Variants in ELAVL2 observed in about 807,000 individuals in gnomAD.
ELAVL2 encodes the protein ELAV like RNA binding protein 2.
In ELAVL2, 4 loss-of-function variants were observed where a neutral mutation model predicts 34.6. That is an observed-to-expected ratio of 0.12 (90% CI 0.06 to 0.26). The LOEUF (loss-of-function observed/expected upper bound fraction) is 0.26. Ranked by LOEUF, ELAVL2 falls within the 10% of genes least tolerant of loss-of-function variation. The pLI is 1.00. For synonymous variants in ELAVL2, 193 were observed against 154.8 expected, an observed-to-expected ratio of 1.25 and a Z score of -1.83; for missense variants, 432 against 442.8, an observed-to-expected ratio of 0.98 and a Z score of 0.22.
chr9:23,752,937 G>C (rs1376760497), intron 2 of ELAVL2, among the ~76,000 whole-genome samples: 2 of 152,064 alleles, frequency 1.3e-5, no homozygotes, highest in African/African-American at 4.8e-5. Context: ...TTTTAACTGC[G>C]AATCTGTTTC....
intron 1 of ELAVL2, among the ~76,000 whole-genome samples, chr9:23,790,805 G>A (rs1288509167): frequency 6.6e-6 from 1 of 152,168 alleles, no homozygotes; most frequent in Non-Finnish European, 1.5e-5. Flanking sequence ...CTCTGGACGA[G>A]CACACAGAGC....
intron 1 of ELAVL2, among the ~76,000 whole-genome samples, chr9:23,804,392 AAAG>A (rs1233509643): frequency 2.0e-5 from 3 of 152,170 alleles, no homozygotes; most frequent in African/African-American, 7.2e-5. Flanking sequence ...CAGGTGAGGA[AAAG>A]TAAATACTTA....
At chr9:23,830,212 C>G (rs1298220392), upstream of ELAVL2, 1 of 152,340 alleles carries the variant, frequency 6.6e-6, no homozygotes, top group East Asian at 1.9e-4. Context: ...CTTGCTCCCT[C>G]CCCCCGTTCT....
chr9:23,729,284 C>T (rs1156258025), intron 3 of ELAVL2, among the ~76,000 whole-genome samples: 1 of 152,096 alleles, frequency 6.6e-6, no homozygotes, highest in Non-Finnish European at 1.5e-5. Context: ...CATTTTCTTC[C>T]CAACTACAAC....
intron 1 of ELAVL2, among the ~76,000 whole-genome samples, chr9:23,811,966 A>G (rs574298343): frequency 6.6e-6 from 1 of 152,286 alleles, no homozygotes; most frequent in African/African-American, 2.4e-5. Flanking sequence ...CAAAAAATAG[A>G]CAAAATGGAC....
chr9:23,734,437 G>C (rs1382921408), intron 2 of ELAVL2, among the ~76,000 whole-genome samples: 3 of 152,098 alleles, frequency 2.0e-5, no homozygotes, highest in African/African-American at 4.8e-5. Context: ...AAATCAAAAA[G>C]GCAGGGAGGA....
intron 1 of ELAVL2, among the ~76,000 whole-genome samples, chr9:23,823,978 G>A: frequency 6.6e-6 from 1 of 152,308 alleles, no homozygotes; most frequent in Non-Finnish European, 1.5e-5. Context: ...TGAAGGTTTA[G>A]AATCTTAACC....
At chr9:23,701,262 AAACC>A in intron 5 of ELAVL2, 113 bp downstream of exon 5, 1 of 1,115,380 alleles carries the variant, frequency 9.0e-7, no homozygotes. Context: ...AATAGTAATA[AAACC>A]AACAACACTG....
chr9:23,714,208 C>T (rs1658918948), intron 3 of ELAVL2, among the ~76,000 whole-genome samples: 1 of 152,098 alleles, frequency 6.6e-6, no homozygotes, highest in Non-Finnish European at 1.5e-5. Context: ...TATGCAGCAT[C>T]ATCATCCCCA....
chr9:23,694,874 G>A (rs926938065), intron 5 of ELAVL2, among the ~76,000 whole-genome samples: 7 of 139,752 alleles, frequency 5.0e-5, no homozygotes, highest in East Asian at 2.0e-4. Context: ...TGCGTGGTGC[G>A]TGTGTGTGTG....
chr9:23,837,279 G>A, the ELAVL2 span, among the ~76,000 whole-genome samples: 1,176 of 152,226 alleles, frequency 7.7e-3, 10 homozygotes, highest in South Asian at 0.029. Context: ...CTAAGGGAGG[G>A]CTTTAAAAAC....
At chr9:23,796,962 G>T (rs1202968938) in intron 1 of ELAVL2, among the ~76,000 whole-genome samples, 1 of 150,854 alleles carries the variant, frequency 6.6e-6, no homozygotes, top group Non-Finnish European at 1.5e-5. Flanking sequence ...TATAAAGAAT[G>T]AGGACAGGGA....
chr9:23,769,635 C>A (rs1459052593), intron 1 of ELAVL2, among the ~76,000 whole-genome samples: 1 of 152,134 alleles, frequency 6.6e-6, no homozygotes, highest in Non-Finnish European at 1.5e-5. Context: ...TCCAGCCCAC[C>A]CACATACCAT....
At chr9:23,707,763 G>T (rs369906670) in intron 3 of ELAVL2, among the ~76,000 whole-genome samples, 12 of 152,272 alleles carry the variant, frequency 7.9e-5, no homozygotes, top group African/African-American at 2.9e-4. Context: ...TAATCCACAT[G>T]AAAAGCTTCA....
intron 2 of ELAVL2, among the ~76,000 whole-genome samples, chr9:23,752,187 C>A (rs2052255208): frequency 6.6e-6 from 1 of 152,170 alleles, no homozygotes; most frequent in African/African-American, 2.4e-5. Context: ...GACAGTACCC[C>A]TGTGTGCTAG....
At chr9:23,711,229 C>T (rs910572173) in intron 3 of ELAVL2, among the ~76,000 whole-genome samples, 6 of 152,102 alleles carry the variant, frequency 3.9e-5, no homozygotes, top group South Asian at 4.1e-4. Flanking sequence ...TTATCTTTAA[C>T]GGATATTCCA....
intron 2 of ELAVL2, among the ~76,000 whole-genome samples, chr9:23,752,962 A>G (rs1036890901): frequency 6.6e-6 from 1 of 152,188 alleles, no homozygotes; most frequent in Admixed American, 6.5e-5. Flanking sequence ...CAACACTTAG[A>G]GCAGCAAATG....
intron 1 of ELAVL2, among the ~76,000 whole-genome samples, chr9:23,774,422 T>C (rs886224450): frequency 6.6e-6 from 1 of 152,082 alleles, no homozygotes; most frequent in African/African-American, 2.4e-5. Context: ...TGACTGTTAA[T>C]TCCTGTCCTG....
intron 5 of ELAVL2, among the ~76,000 whole-genome samples, chr9:23,701,037 T>C (rs755306430): frequency 6.6e-6 from 1 of 152,108 alleles, no homozygotes; most frequent in Non-Finnish European, 1.5e-5. Flanking sequence ...CTTAGCAGCA[T>C]CCCCGACCTC....
Sources: gnomAD v4.1 joint callset for allele counts (sites outside exome capture counted in the v4.1 genomes callset) on GRCh38, gnomAD v4.1.1 for gene constraint, MANE v1.5 for transcripts, NCBI Gene and HGNC (gene_info 2026-07-23, HGNC 2026-07-21) for gene names.